ZMAT3: variants seen among roughly 807,000 people sequenced by gnomAD.
ZMAT3 encodes zinc finger matrin-type protein 3.
In ZMAT3, 17 loss-of-function variants were observed where a neutral mutation model predicts 32.3. That is an observed-to-expected ratio of 0.53 (90% CI 0.36 to 0.79). The LOEUF (loss-of-function observed/expected upper bound fraction) is 0.79, where lower values mean the gene tolerates loss of function less well. ZMAT3 is among the 30% of genes least tolerant of loss of function. The pLI is 0.00. For missense variants in ZMAT3, 329 were observed against 359.7 expected, an observed-to-expected ratio of 0.91 and a Z score of 0.69; for synonymous variants, 120 against 133.1, an observed-to-expected ratio of 0.90 and a Z score of 0.68.
In ZMAT3 at chr3:179,025,067, C is replaced by T. The variant is rs1170616848; in HGVS notation, c.820G>A (p.Val274Met). 6.2e-7 allele frequency: 1 copy of T among 1,614,180 alleles called. No individual in the cohort carries two copies. The highest frequency in any genetic ancestry group is 1.7e-5 in the Admixed American group (1 of 60,006). Residue 274 changes from valine to methionine, a missense_variant, in exon 6 of 6, where the codon GTG (valine) becomes ATG (methionine). Coordinates refer to ENST00000311417, the MANE Select transcript of ZMAT3 (RefSeq NM_022470.4). ...HLESKQHKSK[V>M]SEQRYRNEME... Reference sequence around the variant, plus strand: ...TCATTCCTGTACCGCTGTTCAGACACCTTGCTCTTATGTTGCTTGCTCTCT... The same window carrying T: ...TCATTCCTGTACCGCTGTTCAGACATCTTGCTCTTATGTTGCTTGCTCTCT...
At chr3:179,055,482 C>T (rs779235288) in intron 2 of ZMAT3, among the ~76,000 whole-genome samples, 22 of 151,316 alleles carry the variant, frequency 1.5e-4, no homozygotes, top group Admixed American at 5.3e-4. Context: ...GCGTCCCCTC[C>T]CCGACTCCTT....
chr3:179,035,374 G>T (rs1719529366), intron 2 of ZMAT3, among the ~76,000 whole-genome samples: 1 of 152,152 alleles, frequency 6.6e-6, no homozygotes. Context: ...TAGCTCCAAG[G>T]CCTTTGTACT....
rs544977697 is a variant in ZMAT3, at chr3:179,068,095, CG to C, written c.-57-287del. ...GTGAACATTAACAGCATTGCATCCA[CG>C]GCTAAATCTAAAAGTCACATGGCTG... On this transcript the variant is annotated intron_variant, in intron 1 of 5. Coordinates refer to ENST00000311417, the MANE Select transcript of ZMAT3 (RefSeq NM_022470.4). Among the ~76,000 whole-genome samples the C allele has an allele frequency of 1.6e-3, 251 of 152,338 alleles. 1 individual carries two copies. The highest frequency in any genetic ancestry group is 5.7e-3 in the African/African-American group (235 of 41,592).
chr3:179,064,119 T>C (rs760723117), intron 2 of ZMAT3, among the ~76,000 whole-genome samples: 1 of 152,210 alleles, frequency 6.6e-6, no homozygotes, highest in Non-Finnish European at 1.5e-5. Context: ...CCGAGGCAAT[T>C]TGAAACTCCA....
chr3:179,030,840 T>C (rs1719142588), intron 3 of ZMAT3, 40 bp downstream of exon 3: 1 of 1,589,230 alleles, frequency 6.3e-7, no homozygotes, highest in Non-Finnish European at 8.6e-7. Context: ...TATTACAGCT[T>C]CCACCCTAAT....
At position 179,057,106 on chromosome 3, in the gene ZMAT3, C is replaced by T. The variant is rs562688448; in HGVS notation, c.270+10377G>A. Among the ~76,000 whole-genome samples, 253 of 152,310 alleles carry T rather than the reference C, an allele frequency of 1.7e-3. 1 individual carries two copies. The highest frequency in any genetic ancestry group is 5.9e-3 in the African/African-American group (245 of 41,568). On this transcript the variant is annotated intron_variant, in intron 2 of 5. Coordinates refer to ENST00000311417, the MANE Select transcript of ZMAT3 (RefSeq NM_022470.4). ...GTACCCCCTTAGACCCGAGGCCCAA[C>T]AAGGACTCCAAAAGATTGTTAAGGA...
At chr3:179,069,500 G>A (rs1263831028) in intron 1 of ZMAT3, among the ~76,000 whole-genome samples, 2 of 152,044 alleles carry the variant, frequency 1.3e-5, no homozygotes, top group Admixed American at 1.3e-4. Context: ...TCTTCTCTTG[G>A]TCAATAGAAT....
rs781269518 is a variant in ZMAT3 at position 179,025,101 on chromosome 3, C to T, written c.786G>A (p.Arg262=). The T allele has an allele frequency of 6.2e-6, 10 of 1,614,234 alleles. No individual in the cohort carries two copies. In the South Asian group the frequency reaches 1.1e-4, roughly 18 times the overall value. The change falls in exon 6 of 6, where the codon CGG becomes CGA. Residue 262 remains arginine, a synonymous_variant. Coordinates refer to ENST00000311417, the MANE Select transcript of ZMAT3 (RefSeq NM_022470.4). The part of the protein sequence containing the change: ...NVGAGEEMEF[R]QHLESKQHKS... ...TATGTTGCTTGCTCTCTAAATGCTG[C>T]CGGAATTCCATCTCTTCGCCAGCTC... is the stretch of plus-strand genomic sequence containing the variant.
At chr3:179,068,524 GACC>G (rs1374281481) in intron 1 of ZMAT3, among the ~76,000 whole-genome samples, 1 of 150,048 alleles carries the variant, frequency 6.7e-6, no homozygotes, top group African/African-American at 2.5e-5. Flanking sequence ...AAAAAAAAAA[GACC>G]ACCAGCTAAA....
intron 2 of ZMAT3, among the ~76,000 whole-genome samples, chr3:179,037,690 G>A (rs764890857): frequency 2.0e-5 from 3 of 152,104 alleles, no homozygotes; most frequent in South Asian, 2.1e-4. Flanking sequence ...ATTTCCTCCC[G>A]CTTGCTGAAC....
At position 179,023,693 on chromosome 3, in the gene ZMAT3, T is replaced by TATAA. The variant is rs1476273275; in HGVS notation, c.*1323_*1324insTTAT. 1 of 19,418 alleles carries TATAA rather than the reference T, an allele frequency of 5.1e-5. No homozygotes were observed. The highest frequency in any genetic ancestry group is 4.2e-4 in the African/African-American group (1 of 2,374). The allele number at this position is 19,418 out of a possible 1,614,324, so 1.2% of individuals were successfully genotyped here. A position where few individuals can be genotyped will look rare whatever the true frequency, so the allele number is the denominator to read the frequency against. On this transcript the variant is annotated 3_prime_UTR_variant, in exon 6 of 6. Coordinates refer to ENST00000311417, the MANE Select transcript of ZMAT3 (RefSeq NM_022470.4). ...GTTTCCTAAAAACTGCTGGAAAATATATCTATATATATATATATTTTTTTT... is the reference window on the plus strand; with the variant it reads ...GTTTCCTAAAAACTGCTGGAAAATATATAAATCTATATATATATATATTTTTTTT...
In ZMAT3 at chr3:179,018,607, T is replaced by A. The variant is rs1257187833; in HGVS notation, c.*6410A>T. The stretch of plus-strand genomic sequence containing the variant: ...TTCAATTCTACCCATTGAATCTTCA[T>A]GACCTGGAGAAAGTCACTTAAAATT... On this transcript the variant is annotated 3_prime_UTR_variant, in exon 6 of 6. Coordinates refer to ENST00000311417, the MANE Select transcript of ZMAT3 (RefSeq NM_022470.4). 1 of 146,500 alleles carries A rather than the reference T, an allele frequency of 6.8e-6. No homozygotes were observed. Among genetic ancestry groups the A allele is most frequent in the Admixed American group, 6.7e-5 (1 of 14,918 alleles). 9.1% of individuals were successfully genotyped at this position (146,500 alleles called of 1,614,324 possible).
chr3:179,041,300 C>T (rs1719913384), intron 2 of ZMAT3, among the ~76,000 whole-genome samples: 1 of 152,200 alleles, frequency 6.6e-6, no homozygotes, highest in Admixed American at 6.5e-5. Flanking sequence ...CACCACATCA[C>T]ACTTATTCTA....
rs1338303378 is a variant in ZMAT3, at chr3:179,022,968, A to G, written c.*2049T>C. On this transcript the variant is annotated 3_prime_UTR_variant, in exon 6 of 6. Coordinates refer to ENST00000311417, the MANE Select transcript of ZMAT3 (RefSeq NM_022470.4). ...AGAAGTTTTACCTCTAATTAGTAAT[A>G]CAAGCAATCAAATGTGAACTGACCA... is the stretch of plus-strand genomic sequence containing the variant. The G allele has an allele frequency of 6.6e-6, 1 of 152,212 alleles. No homozygotes were observed. Among genetic ancestry groups the G allele is most frequent in the Non-Finnish European group, 1.5e-5 (1 of 68,032 alleles). The allele number at this position is 152,212 out of a possible 1,614,324, so 9.4% of individuals were successfully genotyped here. A position where few individuals can be genotyped will look rare whatever the true frequency, so the allele number is the denominator to read the frequency against.
At chr3:179,037,933 T>C (rs1719694067) in intron 2 of ZMAT3, among the ~76,000 whole-genome samples, 1 of 152,038 alleles carries the variant, frequency 6.6e-6, no homozygotes, top group South Asian at 2.1e-4. Context: ...ACAGAATATA[T>C]ACATGTACAT....
At chr3:179,047,172 T>C (rs149135391) in intron 2 of ZMAT3, among the ~76,000 whole-genome samples, 133 of 152,326 alleles carry the variant, frequency 8.7e-4, no homozygotes, top group South Asian at 2.1e-3. Context: ...AGATGAATCA[T>C]ATCACAGGAC....
intron 1 of ZMAT3, among the ~76,000 whole-genome samples, chr3:179,068,362 A>G (rs999016449): frequency 6.6e-6 from 1 of 152,028 alleles, no homozygotes; most frequent in African/African-American, 2.4e-5. Flanking sequence ...AAATACAAAA[A>G]TTAGCCAGGT....
intron 2 of ZMAT3, among the ~76,000 whole-genome samples, chr3:179,062,534 C>CA (rs944491963): frequency 1.3e-5 from 2 of 151,798 alleles, no homozygotes; most frequent in Non-Finnish European, 2.9e-5. Flanking sequence ...GAGGAGGAGG[C>CA]AAAAAACTGG....
chr3:179,047,221 T>G (rs1172900781), intron 2 of ZMAT3, among the ~76,000 whole-genome samples: 1 of 152,182 alleles, frequency 6.6e-6, no homozygotes, highest in African/African-American at 2.4e-5. Context: ...CAGAGCCCAG[T>G]AGCTCCACTA....
Sources: allele counts gnomAD v4.1 joint callset (sites outside exome capture counted in the v4.1 genomes callset), GRCh38; gene constraint gnomAD v4.1.1; transcripts MANE v1.5; gene names NCBI Gene and HGNC (gene_info 2026-07-23, HGNC 2026-07-21).